AMBRA1: variants seen among roughly 807,000 people sequenced by gnomAD.
AMBRA1 encodes the protein autophagy and beclin 1 regulator 1.
AMBRA1 carries 47 observed loss-of-function variants against 125.4 expected under a neutral mutation model. The observed-to-expected ratio is 0.37, with a 90% CI of 0.30 to 0.48. AMBRA1 has a LOEUF of 0.48. Among genes scored for constraint, AMBRA1 ranks in the 20% least tolerant of loss-of-function variants. AMBRA1 has a pLI of 0.99. For missense variants in AMBRA1, 1,331 were observed against 1,693.4 expected, an observed-to-expected ratio of 0.79 and a Z score of 3.76; for synonymous variants, 626 against 655.5, an observed-to-expected ratio of 0.95 and a Z score of 0.69.
intron 7 of AMBRA1, among the ~76,000 whole-genome samples, chr11:46,526,565 C>G (rs938724966): frequency 2.7e-5 from 4 of 147,500 alleles, no homozygotes; most frequent in African/African-American, 1.0e-4. Context: ...AAAAAAAAAG[C>G]CTGGCTACTC....
rs570306946 is a variant in AMBRA1, at chr11:46,471,673, G to A, written c.2521+21935C>T. ...AGATGGAGTCTTGCTCTGTTGCCAG[G>A]CTGGAGTGCAGTAGCGTGATCTCGG... On this transcript the variant is annotated intron_variant, in intron 11 of 17. Coordinates refer to ENST00000683756, the MANE Select transcript of AMBRA1 (RefSeq NM_001387011.1). Among the ~76,000 whole-genome samples the A allele has an allele frequency of 2.0e-4, 30 of 151,674 alleles. 1 individual carries two copies. In the South Asian group the frequency reaches 5.9e-3, roughly 30 times the overall value.
chr11:46,465,958 G>A (rs1949305615), intron 11 of AMBRA1, among the ~76,000 whole-genome samples: 1 of 152,222 alleles, frequency 6.6e-6, no homozygotes, highest in African/African-American at 2.4e-5. Context: ...GGCTGACAAA[G>A]ATACACAGAT....
At chr11:46,403,590 T>TC (rs1945864208) in intron 17 of AMBRA1, among the ~76,000 whole-genome samples, 2 of 152,154 alleles carry the variant, frequency 1.3e-5, no homozygotes, top group Admixed American at 6.5e-5. Context: ...AGGAAATGCT[T>TC]CCCTCCCTTT....
rs568061039 is a variant in AMBRA1 at position 46,492,219 on chromosome 11, C to G, written c.2521+1389G>C. ...AGTCTGCTCTCCTGCCAGGCCAGAG[C>G]CTATGAAGTCCTGGTGTCTGACAGA... On this transcript the variant is annotated intron_variant, in intron 11 of 17. Transcript: ENST00000683756. Among the ~76,000 whole-genome samples the G allele has an allele frequency of 3.3e-5, 5 of 152,272 alleles. No individual in the cohort carries two copies. In the South Asian group the frequency reaches 1.0e-3, roughly 32 times the overall value.
At chr11:46,577,392 A>G (rs993821248) in intron 1 of AMBRA1, among the ~76,000 whole-genome samples, 3 of 152,232 alleles carry the variant, frequency 2.0e-5, no homozygotes, top group Admixed American at 1.3e-4. Context: ...TGCCATTTAC[A>G]TGAAATATCC....
In AMBRA1 at chr11:46,413,796, C is replaced by T. The variant is rs531851776; in HGVS notation, c.3117-3428G>A. ...ATGAGCCACCATGCCCGGCCTGAAA[C>T]TCTTAGCTTTCAATACCCAGTGTCA... On this transcript the variant is annotated intron_variant, in intron 15 of 17. Coordinates refer to ENST00000683756, the MANE Select transcript of AMBRA1 (RefSeq NM_001387011.1). 9.6e-4 allele frequency among the ~76,000 whole-genome samples: 146 copies of T among 152,348 alleles called. 1 individual carries two copies. Among genetic ancestry groups the T allele is most frequent in the African/African-American group, 3.4e-3 (140 of 41,594 alleles).
chr11:46,527,407 G>A (rs148373547), intron 7 of AMBRA1, among the ~76,000 whole-genome samples: 3,650 of 145,242 alleles, frequency 0.025, 71 homozygotes, highest in Admixed American at 0.071. Flanking sequence ...TTGAACCCAG[G>A]AGGTGGAGGT....
chr11:46,410,403 G>A, intron 15 of AMBRA1, 35 bp from the exon 16 acceptor site: 3 of 1,574,622 alleles, frequency 1.9e-6, no homozygotes, highest in Non-Finnish European at 2.6e-6. Flanking sequence ...AGAAGAAGGT[G>A]AAAGGCATTA....
At chr11:46,426,759 C>T (rs933046543) in intron 14 of AMBRA1, among the ~76,000 whole-genome samples, 4 of 152,144 alleles carry the variant, frequency 2.6e-5, no homozygotes, top group Non-Finnish European at 4.4e-5. Context: ...ATAATTGCAG[C>T]GGAAGCAGCT....
intron 11 of AMBRA1, among the ~76,000 whole-genome samples, chr11:46,462,897 G>C (rs1183671076): frequency 6.6e-6 from 1 of 152,068 alleles, no homozygotes; most frequent in African/African-American, 2.4e-5. Context: ...GGGATTACAG[G>C]CGTGCACCAC....
In AMBRA1 at chr11:46,410,387, G is replaced by A. The variant is rs773491987; in HGVS notation, c.3117-19C>T. 5.0e-6 allele frequency: 8 copies of A among 1,607,000 alleles called. No homozygotes were observed. The South Asian group carries it at 7.7e-5, about 15-fold the overall frequency. On this transcript the variant is annotated intron_variant, in intron 15 of 17. Transcript: ENST00000683756. ...TAAGGCCCTAAAAATCAGTTGGGAA[G>A]GGTAAAGAAGAAGGTGAAAGGCATT...
intron 11 of AMBRA1, among the ~76,000 whole-genome samples, 187 bp from the exon 12 acceptor site, chr11:46,443,785 G>T (rs971293244): frequency 3.9e-5 from 6 of 152,184 alleles, no homozygotes; most frequent in African/African-American, 1.4e-4. Context: ...GTTTGCCAGG[G>T]AACAATTCAA....
chr11:46,583,651 C>A (rs79317058), intron 1 of AMBRA1, among the ~76,000 whole-genome samples: 54,342 of 59,620 alleles, frequency 0.91, 24,582 homozygotes, highest in Middle Eastern at 0.96. Context: ...AAACAAATTT[C>A]CAAAAAAAAA....
chr11:46,430,441 T>C (rs1406657579), intron 14 of AMBRA1, among the ~76,000 whole-genome samples: 1 of 152,186 alleles, frequency 6.6e-6, no homozygotes, highest in Non-Finnish European at 1.5e-5. Context: ...CTCCCATTCT[T>C]ATTCTGATTT....
chr11:46,517,472 T>TG (rs1161490866), intron 7 of AMBRA1, among the ~76,000 whole-genome samples: 5 of 110,694 alleles, frequency 4.5e-5, no homozygotes, highest in African/African-American at 2.6e-4. Flanking sequence ...TTAATAAGGT[T>TG]TTTTTTTTTT....
At chr11:46,516,070 T>C (rs1394588310) in intron 7 of AMBRA1, among the ~76,000 whole-genome samples, 1 of 152,210 alleles carries the variant, frequency 6.6e-6, no homozygotes, top group Non-Finnish European at 1.5e-5. Context: ...ACCCAAAATA[T>C]GAAGCTTTGT....
chr11:46,447,209 A>C (rs1364670920), intron 11 of AMBRA1, among the ~76,000 whole-genome samples: 2 of 151,874 alleles, frequency 1.3e-5, no homozygotes, highest in Admixed American at 1.3e-4. Flanking sequence ...AGGAATTTGT[A>C]ACCAGCCTGG....
At chr11:46,589,786 AT>A (rs113572880) in intron 1 of AMBRA1, among the ~76,000 whole-genome samples, 1 of 151,240 alleles carries the variant, frequency 6.6e-6, no homozygotes, top group African/African-American at 2.4e-5. Context: ...TTCCCCGCTA[AT>A]TTTTTTTGTA....
At chr11:46,523,471 C>A (rs1565250072) in intron 7 of AMBRA1, among the ~76,000 whole-genome samples, 1 of 152,180 alleles carries the variant, frequency 6.6e-6, no homozygotes, top group Non-Finnish European at 1.5e-5. Flanking sequence ...TAACGTCCTC[C>A]AGCATGTCAA....
Sources: gnomAD v4.1 joint callset for allele counts (sites outside exome capture counted in the v4.1 genomes callset) on GRCh38, gnomAD v4.1.1 for gene constraint, MANE v1.5 for transcripts, NCBI Gene and HGNC (gene_info 2026-07-23, HGNC 2026-07-21) for gene names.